Variants in ADAMTS17 observed in about 807,000 individuals in gnomAD.
The protein encoded by ADAMTS17 is A disintegrin and metalloproteinase with thrombospondin motifs 17.
ADAMTS17 carries 113 observed loss-of-function variants against 141.5 expected under a neutral mutation model. That is an observed-to-expected ratio of 0.80 (90% CI 0.69 to 0.93). The LOEUF is 0.93. Among genes scored for constraint, ADAMTS17 ranks in the 40% least tolerant of loss-of-function variants. The probability of loss-of-function intolerance (pLI) is 0.00; values close to 1 mark genes in which losing one functional copy is unlikely to be tolerated. For missense variants in ADAMTS17, 1,659 were observed against 1,517.9 expected (o/e 1.09, Z -1.54); for synonymous variants, 768 against 630.6 (o/e 1.22, Z -3.27).
chr15:100,323,058 G>GT (rs1430238534), intron 3 of ADAMTS17, among the ~76,000 whole-genome samples: 7 of 128,046 alleles, frequency 5.5e-5, no homozygotes, highest in Admixed American at 9.8e-5. Context: ...CTGAACTCCA[G>GT]CCCGGGAGAC....
intron 9 of ADAMTS17, among the ~76,000 whole-genome samples, chr15:100,154,775 T>A (rs534505152): frequency 6.6e-6 from 1 of 151,368 alleles, no homozygotes; most frequent in East Asian, 2.0e-4. Context: ...CCACCCCTCA[T>A]CCCCCAGCAA....
intron 15 of ADAMTS17, among the ~76,000 whole-genome samples, chr15:100,082,820 C>CT (rs1181651821): frequency 2.1e-5 from 3 of 139,860 alleles, no homozygotes; most frequent in Non-Finnish European, 4.5e-5. Flanking sequence ...GTTGCAGACT[C>CT]TCCTTCAAGA....
chr15:100,174,106 T>TC (rs1193322259), intron 8 of ADAMTS17, among the ~76,000 whole-genome samples: 2 of 152,194 alleles, frequency 1.3e-5, no homozygotes, highest in Non-Finnish European at 1.5e-5. Context: ...CTCTCCTTTT[T>TC]CCCACAAAGT....
chr15:100,062,081 G>A (rs997560891), intron 15 of ADAMTS17, among the ~76,000 whole-genome samples: 6 of 152,020 alleles, frequency 3.9e-5, no homozygotes, highest in African/African-American at 1.5e-4. Flanking sequence ...CCTTGTTTTA[G>A]AATGCATTTT....
chr15:100,054,373 G>C (rs1297721634), intron 15 of ADAMTS17, among the ~76,000 whole-genome samples: 2 of 152,190 alleles, frequency 1.3e-5, no homozygotes, highest in Non-Finnish European at 2.9e-5. Flanking sequence ...GAATGGAGAA[G>C]ACCATGGTCT....
chr15:100,222,428 T>A (rs140236454), intron 7 of ADAMTS17, among the ~76,000 whole-genome samples: 1 of 152,188 alleles, frequency 6.6e-6, no homozygotes, highest in Non-Finnish European at 1.5e-5. Context: ...TTCTGCCGCA[T>A]CTTCTGAAAA....
rs2141249487 is a variant in ADAMTS17 at position 99,973,036 on chromosome 15, A to AAAAC, written c.*1362_*1365dup. 6.6e-6 allele frequency: 1 copy of AAAAC among 152,288 alleles called. No homozygotes were observed. Among genetic ancestry groups the AAAAC allele is most frequent in the African/African-American group, 2.4e-5 (1 of 41,538 alleles). The allele number at this position is 152,288 out of a possible 1,614,324, so 9.4% of individuals were successfully genotyped here. A position where few individuals can be genotyped will look rare whatever the true frequency, so the allele number is the denominator to read the frequency against. On this transcript the variant is annotated 3_prime_UTR_variant, in exon 22 of 22. Coordinates refer to ENST00000268070, the MANE Select transcript of ADAMTS17 (RefSeq NM_139057.4). ...TGAAATGCCCACCAAGTTGGTGAGC[A>AAAAC]AAACAGGCCTCCTGGCATCTAGGGT...
intron 10 of ADAMTS17, among the ~76,000 whole-genome samples, chr15:100,140,417 C>T (rs895729087): frequency 2.0e-5 from 3 of 150,558 alleles, no homozygotes; most frequent in East Asian, 1.9e-4. Context: ...TTAAAAATGA[C>T]GGGACAACTC....
chr15:100,184,334 G>A (rs1255958123), intron 8 of ADAMTS17, among the ~76,000 whole-genome samples: 1 of 152,178 alleles, frequency 6.6e-6, no homozygotes, highest in Non-Finnish European at 1.5e-5. Flanking sequence ...CGGTGTATGT[G>A]GGGAGAGGAA....
At chr15:100,265,305 C>T (rs533373005) in intron 4 of ADAMTS17, among the ~76,000 whole-genome samples, 10 of 152,316 alleles carry the variant, frequency 6.6e-5, no homozygotes, top group Non-Finnish European at 1.0e-4. Flanking sequence ...AACAAAGTCT[C>T]GTCTTCTTTT....
At chr15:100,262,782 TAAAA>T (rs201067774) in intron 4 of ADAMTS17, among the ~76,000 whole-genome samples, 3 of 111,248 alleles carry the variant, frequency 2.7e-5, no homozygotes, top group East Asian at 2.4e-4. Context: ...CTTCCAGTAC[TAAAA>T]AAAAAAAAAA....
intron 18 of ADAMTS17, among the ~76,000 whole-genome samples, chr15:100,046,716 C>T (rs2031715109): frequency 6.6e-6 from 1 of 152,180 alleles, no homozygotes; most frequent in South Asian, 2.1e-4. Flanking sequence ...AATCAATACC[C>T]TTGTGATTTC....
chr15:100,089,493 A>G (rs1372636049), intron 15 of ADAMTS17, among the ~76,000 whole-genome samples: 1 of 151,190 alleles, frequency 6.6e-6, no homozygotes, highest in Non-Finnish European at 1.5e-5. Context: ...TATATACCCA[A>G]AGGATTATAA....
intron 19 of ADAMTS17, among the ~76,000 whole-genome samples, chr15:99,994,848 G>A (rs1197777072): frequency 6.6e-6 from 1 of 152,352 alleles, no homozygotes; most frequent in Non-Finnish European, 1.5e-5. Flanking sequence ...ACAGGTGCGA[G>A]CCATTGCGCC....
chr15:100,227,923 C>T (rs772655725), intron 7 of ADAMTS17, among the ~76,000 whole-genome samples: 11 of 152,212 alleles, frequency 7.2e-5, no homozygotes, highest in Non-Finnish European at 1.2e-4. Flanking sequence ...CTTAGAGCAA[C>T]GGCTTTCATT....
chr15:100,179,418 T>C (rs1033663252), intron 8 of ADAMTS17, among the ~76,000 whole-genome samples: 2 of 152,216 alleles, frequency 1.3e-5, no homozygotes, highest in African/African-American at 4.8e-5. Flanking sequence ...TTGTGGTAAG[T>C]ACCATATTTT....
intron 20 of ADAMTS17, among the ~76,000 whole-genome samples, chr15:99,989,268 A>G (rs2141315449): frequency 6.6e-6 from 1 of 152,314 alleles, no homozygotes; most frequent in East Asian, 1.9e-4. Flanking sequence ...CAAAAAGGAA[A>G]GCAGTGCTAG....
rs1192165662 is a variant in ADAMTS17 at position 100,290,209 on chromosome 15, A to AAT, written c.617-8809_617-8808insAT. Among the ~76,000 whole-genome samples, 5 of 152,218 alleles carry AAT rather than the reference A, an allele frequency of 3.3e-5. No homozygotes were observed. The East Asian group carries it at 9.6e-4, about 29-fold the overall frequency. On this transcript the variant is annotated intron_variant, in intron 3 of 21. Transcript: ENST00000268070. The stretch of plus-strand genomic sequence containing the variant: ...ACAAAAATCAGTAGCATTTCTATAT[A>AAT]CCAATGACATCCAAGATGAGTGCAA...
chr15:100,067,455 T>C (rs983027992), intron 15 of ADAMTS17, among the ~76,000 whole-genome samples: 7 of 152,268 alleles, frequency 4.6e-5, no homozygotes, highest in Non-Finnish European at 1.0e-4. Context: ...AAATACCAGT[T>C]GTCAAATTTT....
Sources: allele counts gnomAD v4.1 joint callset (sites outside exome capture counted in the v4.1 genomes callset), GRCh38; gene constraint gnomAD v4.1.1; transcripts MANE v1.5; gene names NCBI Gene and HGNC (gene_info 2026-07-23, HGNC 2026-07-21).